The following MB21D2 variants were observed in gnomAD, a reference collection of about 807,000 sequenced individuals.
MB21D2 encodes the protein nucleotidyltransferase MB21D2.
Under a neutral mutation model 33.3 loss-of-function variants are expected in MB21D2, and 9 were observed. That is an observed-to-expected ratio of 0.27 (90% confidence interval 0.16 to 0.47). MB21D2 has a LOEUF of 0.47. Among genes scored for constraint, MB21D2 ranks in the 20% least tolerant of loss-of-function variants. The probability of loss-of-function intolerance (pLI) is 0.99; values close to 1 mark genes in which losing one functional copy is unlikely to be tolerated. For missense variants in MB21D2, 540 were observed against 624.6 expected (o/e 0.86, Z 1.44); for synonymous variants, 241 against 236.3 (o/e 1.02, Z -0.18).
At chr3:192,823,431 A>G (rs1712101338) in intron 1 of MB21D2, among the ~76,000 whole-genome samples, 1 of 152,174 alleles carries the variant, frequency 6.6e-6, no homozygotes, top group Admixed American at 6.5e-5. Context: ...AGGCAGGTGG[A>G]TCACCTGAGG....
At chr3:192,838,425 G>A (rs1712491836) in intron 1 of MB21D2, among the ~76,000 whole-genome samples, 1 of 138,646 alleles carries the variant, frequency 7.2e-6, no homozygotes, top group South Asian at 2.4e-4. Context: ...AATAATCTGT[G>A]GACTTTTTTT....
chr3:192,828,749 T>C (rs532121994), intron 1 of MB21D2, among the ~76,000 whole-genome samples: 323 of 148,182 alleles, frequency 2.2e-3, no homozygotes, highest in African/African-American at 7.2e-3. Context: ...CCCAGGTTCA[T>C]GCCATTCTCC....
chr3:192,878,201 G>A lies in MB21D2; in HGVS notation c.211+39429C>T, dbSNP rs144513699. 7.4e-3 allele frequency among the ~76,000 whole-genome samples: 1,088 copies of A among 146,114 alleles called. 17 individuals carry two copies. Among genetic ancestry groups the A allele is most frequent in the African/African-American group, 0.028 (1,031 of 37,404 alleles). On this transcript the variant is annotated intron_variant, in intron 1 of 1. Transcript: ENST00000392452. ...TGCAAGCTCCGCCTCGCGGGTTCAC[G>A]CCCTCCTCTTATCCTCACCTCAACA...
At chr3:192,828,329 G>T (rs78438837) in intron 1 of MB21D2, among the ~76,000 whole-genome samples, 5 of 151,486 alleles carry the variant, frequency 3.3e-5, no homozygotes, top group Admixed American at 6.6e-5. Context: ...ATACAGTGAC[G>T]CATGGAGAAA....
intron 1 of MB21D2, among the ~76,000 whole-genome samples, chr3:192,881,398 G>C (rs768870256): frequency 2.0e-5 from 3 of 152,026 alleles, no homozygotes; most frequent in Non-Finnish European, 4.4e-5. Context: ...GATCTCTGTG[G>C]CTCCTTCCAG....
At chr3:192,906,217 G>A (rs1338958849) in intron 1 of MB21D2, among the ~76,000 whole-genome samples, 1 of 152,060 alleles carries the variant, frequency 6.6e-6, no homozygotes, top group African/African-American at 2.4e-5. Context: ...GGCGACAGAG[G>A]GCCTTTTGAG....
intron 1 of MB21D2, among the ~76,000 whole-genome samples, chr3:192,806,979 C>CA (rs1711678167): frequency 6.6e-6 from 1 of 152,110 alleles, no homozygotes; most frequent in African/African-American, 2.4e-5. Context: ...ACAACTGGTA[C>CA]AAGTTTGTTG....
chr3:192,804,013 T>C (rs1423625396), intron 1 of MB21D2, among the ~76,000 whole-genome samples: 1 of 152,234 alleles, frequency 6.6e-6, no homozygotes, highest in Non-Finnish European at 1.5e-5. Context: ...TCAACCTCTT[T>C]TCCTGTAATT....
At chr3:192,916,098 T>TTATATATATATATATATA (rs55749042) in intron 1 of MB21D2, among the ~76,000 whole-genome samples, 59 of 139,164 alleles carry the variant, frequency 4.2e-4, no homozygotes, top group African/African-American at 1.6e-3. Context: ...CTACCAGGTT[T>TTATATATATATATATATA]TATATATATA....
At chr3:192,865,124 T>C (rs1480564733) in intron 1 of MB21D2, among the ~76,000 whole-genome samples, 4 of 152,212 alleles carry the variant, frequency 2.6e-5, no homozygotes, top group African/African-American at 4.8e-5. Flanking sequence ...CATGAGGATG[T>C]CAGTGTGTCG....
intron 1 of MB21D2, among the ~76,000 whole-genome samples, chr3:192,815,208 G>A (rs1036972017): frequency 6.6e-5 from 10 of 152,202 alleles, no homozygotes; most frequent in African/African-American, 2.4e-4. Flanking sequence ...GCTTACTGGA[G>A]CCAGAACTGA....
chr3:192,842,008 C>T (rs1482337251), intron 1 of MB21D2, among the ~76,000 whole-genome samples: 2 of 152,244 alleles, frequency 1.3e-5, no homozygotes, highest in African/African-American at 2.4e-5. Context: ...AGAGTGTCTA[C>T]GCTTTATACA....
At position 192,799,133 on chromosome 3, in the gene MB21D2, A is replaced by G. The variant is rs560336581; in HGVS notation, c.729T>C (p.Gly243=). 6.8e-6 allele frequency: 11 copies of G among 1,614,128 alleles called. No homozygotes were observed. In the East Asian group the frequency reaches 2.5e-4, roughly 36 times the overall value. The change falls in exon 2 of 2, where the codon GGT becomes GGC. Residue 243 remains glycine, a synonymous_variant. Coordinates refer to ENST00000392452, the MANE Select transcript of MB21D2 (RefSeq NM_178496.4). The surrounding 1 kb of genome is among the most constrained non-coding windows in gnomAD (Gnocchi z 4.1). ...YDIVPVVSFK[G]WPAVAQSWLM... ...GCCAGCTCTGGGCCACTGCAGGCCAACCTTTGAAAGATACCACAGGGACAA... is the reference window on the plus strand; with the variant it reads ...GCCAGCTCTGGGCCACTGCAGGCCAGCCTTTGAAAGATACCACAGGGACAA...
chr3:192,864,680 T>C (rs1201875179), intron 1 of MB21D2, among the ~76,000 whole-genome samples: 1 of 152,126 alleles, frequency 6.6e-6, no homozygotes, highest in Non-Finnish European at 1.5e-5. Context: ...TTAATTTTTG[T>C]ACTTTTAGTA....
At chr3:192,885,677 G>A (rs1186925765) in intron 1 of MB21D2, among the ~76,000 whole-genome samples, 1 of 152,130 alleles carries the variant, frequency 6.6e-6, no homozygotes, top group Non-Finnish European at 1.5e-5. Flanking sequence ...AAATGACAGG[G>A]CAATGTGCAG....
At chr3:192,891,200 T>A (rs902587407) in intron 1 of MB21D2, among the ~76,000 whole-genome samples, 1 of 152,132 alleles carries the variant, frequency 6.6e-6, no homozygotes, top group Non-Finnish European at 1.5e-5. Flanking sequence ...AAATACAGAT[T>A]TACATATGGT....
At chr3:192,910,422 G>T (rs1249282194) in intron 1 of MB21D2, among the ~76,000 whole-genome samples, 1 of 152,056 alleles carries the variant, frequency 6.6e-6, no homozygotes, top group African/African-American at 2.4e-5. Flanking sequence ...AGGCTACAGT[G>T]AGCCGTGATG....
intron 1 of MB21D2, among the ~76,000 whole-genome samples, chr3:192,831,110 A>G (rs1393945587): frequency 1.3e-5 from 2 of 152,224 alleles, no homozygotes; most frequent in African/African-American, 4.8e-5. Context: ...AGACTTCTGA[A>G]GCTAGGTCAT....
intron 1 of MB21D2, among the ~76,000 whole-genome samples, chr3:192,844,807 A>G (rs986780276): frequency 1.3e-5 from 2 of 152,210 alleles, no homozygotes; most frequent in Admixed American, 1.3e-4. Flanking sequence ...CACCATTCAC[A>G]TACAACCGTA....
Sources: allele counts gnomAD v4.1 joint callset (sites outside exome capture counted in the v4.1 genomes callset), GRCh38; gene constraint gnomAD v4.1.1; non-coding constraint Gnocchi (gnomAD v3.1); transcripts MANE v1.5; gene names NCBI Gene and HGNC (gene_info 2026-07-23, HGNC 2026-07-21).